Variants in GYPB observed in about 807,000 individuals in gnomAD.
GYPB encodes the protein glycophorin-B.
A neutral mutation model predicts 15.3 loss-of-function variants in GYPB; 13 were observed. The observed-to-expected ratio is 0.85, with a 90% CI of 0.55 to 1.35. The LOEUF (loss-of-function observed/expected upper bound fraction) is 1.35, where lower values mean the gene tolerates loss of function less well. Ranked by LOEUF, GYPB falls within the 40% of genes most tolerant of loss-of-function variation. GYPB has a pLI of 0.00. For synonymous variants in GYPB, 38 were observed against 36.9 expected, an observed-to-expected ratio of 1.03 and a Z score of -0.11; for missense variants, 131 against 108.3, an observed-to-expected ratio of 1.21 and a Z score of -0.93.
chr4:143,997,498 T>G, intron 4 of GYPB, 42 bp downstream of exon 4: 1 of 1,090,058 alleles, frequency 9.2e-7, no homozygotes. Flanking sequence ...CTAGAGCTGT[T>G]CACACTGGTA....
At chr4:144,011,247 G>T (rs1460290030) in intron 1 of GYPB, among the ~76,000 whole-genome samples, 1 of 151,262 alleles carries the variant, frequency 6.6e-6, no homozygotes, top group Non-Finnish European at 1.5e-5. Flanking sequence ...GGGCGTGGTG[G>T]TGTGCGCCTG....
rs148668365 is a variant in GYPB, at chr4:144,001,576, GT to G, written c.38-294del. ...ACAATAGTAATACTTGCCTCAAAATGTCATTGTGAGAACGAATTAGTTTAAA... is the reference window on the plus strand; with the variant it reads ...ACAATAGTAATACTTGCCTCAAAATGCATTGTGAGAACGAATTAGTTTAAA... On this transcript the variant is annotated intron_variant, in intron 1 of 4. Coordinates refer to ENST00000502664, the MANE Select transcript of GYPB (RefSeq NM_002100.6). 7.8e-3 allele frequency among the ~76,000 whole-genome samples: 1,174 copies of G among 151,450 alleles called. 59 individuals are homozygous for G. The highest frequency in any genetic ancestry group is 0.027 in the African/African-American group (1,103 of 40,772).
At chr4:144,003,672 G>C (rs1030075843) in intron 1 of GYPB, among the ~76,000 whole-genome samples, 2 of 151,522 alleles carry the variant, frequency 1.3e-5, no homozygotes, top group South Asian at 2.1e-4. Context: ...GATAAGTTTT[G>C]AGCTTTATCA....
At chr4:144,005,956 C>T (rs1213170254) in intron 1 of GYPB, among the ~76,000 whole-genome samples, 3 of 151,454 alleles carry the variant, frequency 2.0e-5, no homozygotes, top group Non-Finnish European at 4.4e-5. Context: ...GATGTGGAGG[C>T]TTAGGTCACC....
At chr4:143,996,637 G>T (rs1442955115) in intron 4 of GYPB, among the ~76,000 whole-genome samples, 3 of 150,184 alleles carry the variant, frequency 2.0e-5, no homozygotes, top group Non-Finnish European at 4.4e-5. Flanking sequence ...AGGCATGGTA[G>T]CCCGCACCTG....
At chr4:143,999,859 G>T (rs146281810) in intron 2 of GYPB, among the ~76,000 whole-genome samples, 1 of 151,476 alleles carries the variant, frequency 6.6e-6, no homozygotes, top group East Asian at 1.9e-4. Flanking sequence ...GGGTCATGCG[G>T]CTATCAATTT....
intron 1 of GYPB, among the ~76,000 whole-genome samples, chr4:144,017,089 A>G (rs1728540875): frequency 6.7e-6 from 1 of 150,270 alleles, no homozygotes; most frequent in Admixed American, 6.6e-5. Context: ...CACTGCTCCC[A>G]CCCTCCGTGT....
chr4:144,001,673 G>A (rs1727633548), intron 1 of GYPB, among the ~76,000 whole-genome samples: 2 of 151,112 alleles, frequency 1.3e-5, no homozygotes, highest in African/African-American at 4.9e-5. Context: ...CACATAAAGA[G>A]CATTACATAT....
At chr4:144,009,706 C>T (rs535297418) in intron 1 of GYPB, among the ~76,000 whole-genome samples, 17 of 129,044 alleles carry the variant, frequency 1.3e-4, no homozygotes, top group South Asian at 1.0e-3. Flanking sequence ...CTCCGCCTCC[C>T]GGGTTCACTC....
chr4:143,996,201 T>TA lies in GYPB; in HGVS notation c.*97dup, dbSNP rs1727299550. ...ATTAGGATAGCCAGGGGTAGGGGCA[T>TA]AAGCAAAGGAATAGCAGGTGCAGCC... On this transcript the variant is annotated 3_prime_UTR_variant, in exon 5 of 5. Transcript: ENST00000502664. The TA allele has an allele frequency of 6.5e-7, 1 of 1,547,700 alleles. No homozygotes were observed. Among genetic ancestry groups the TA allele is most frequent in the African/African-American group, 1.4e-5 (1 of 71,746 alleles).
At chr4:143,999,583 A>T (rs1026100136) in intron 2 of GYPB, 134 bp from the exon 3 acceptor site, 6 of 603,136 alleles carry the variant, frequency 9.9e-6, no homozygotes, top group Non-Finnish European at 1.8e-5. Flanking sequence ...AACTTTCAAC[A>T]TCTAGCTAGT....
At chr4:144,017,801 A>G (rs1728584963) in intron 1 of GYPB, among the ~76,000 whole-genome samples, 1 of 151,352 alleles carries the variant, frequency 6.6e-6, no homozygotes, top group Non-Finnish European at 1.5e-5. Flanking sequence ...TTTTCTGTGT[A>G]ATAGCACTTC....
intron 1 of GYPB, chr4:144,012,449 A>ATT (rs1196151164): frequency 2.1e-4 from 32 of 151,450 alleles, no homozygotes; most frequent in Non-Finnish European, 4.0e-4. Context: ...AATGCGCATA[A>ATT]TTTTTTTGCA....
chr4:144,014,773 A>G (rs895304262), intron 1 of GYPB, among the ~76,000 whole-genome samples: 3 of 151,488 alleles, frequency 2.0e-5, no homozygotes, highest in African/African-American at 7.4e-5. Flanking sequence ...CAAATGGTAA[A>G]TTTATATTAC....
intron 1 of GYPB, among the ~76,000 whole-genome samples, chr4:144,015,916 C>T (rs192950203): frequency 6.6e-6 from 1 of 151,132 alleles, no homozygotes; most frequent in East Asian, 1.9e-4. Context: ...TTTTTCATGG[C>T]TAAACTAGTC....
intron 1 of GYPB, among the ~76,000 whole-genome samples, chr4:144,013,437 A>G (rs987552973): frequency 6.6e-6 from 1 of 151,436 alleles, no homozygotes; most frequent in Non-Finnish European, 1.5e-5. Context: ...CCAAAGGACC[A>G]TAAATCATGC....
intron 1 of GYPB, among the ~76,000 whole-genome samples, chr4:144,005,784 T>C (rs866233679): frequency 1.4e-4 from 21 of 150,992 alleles, no homozygotes; most frequent in Non-Finnish European, 1.6e-4. Flanking sequence ...TGCATGGGCC[T>C]CTGAGAAACA....
chr4:144,001,667 T>G (rs1247947102), intron 1 of GYPB, among the ~76,000 whole-genome samples: 1 of 151,204 alleles, frequency 6.6e-6, no homozygotes, highest in East Asian at 1.9e-4. Flanking sequence ...ACTTGACACA[T>G]AAAGAGCATT....
At chr4:143,999,321 T>A in intron 3 of GYPB, 90 bp downstream of exon 3, 1 of 719,612 alleles carries the variant, frequency 1.4e-6, no homozygotes, top group East Asian at 2.7e-5. Context: ...TCTTCTGTTT[T>A]AAGATAGACA....
Sources: allele counts gnomAD v4.1 joint callset (sites outside exome capture counted in the v4.1 genomes callset), GRCh38; gene constraint gnomAD v4.1.1; transcripts MANE v1.5; gene names NCBI Gene and HGNC (gene_info 2026-07-23, HGNC 2026-07-21).